ASH1L: variants seen among roughly 807,000 people sequenced by gnomAD.
The protein encoded by ASH1L is histone-lysine N-methyltransferase ASH1L.
A neutral mutation model predicts 269.0 loss-of-function variants in ASH1L; 23 were observed. The ratio of observed to expected loss-of-function variants is 0.09; its 90% CI spans 0.06 to 0.12. The LOEUF is 0.12. Ranked by LOEUF, ASH1L falls within the 10% of genes least tolerant of loss-of-function variation. The probability of loss-of-function intolerance (pLI) is 1.00; values close to 1 mark genes in which losing one functional copy is unlikely to be tolerated. For missense variants in ASH1L, 2,912 were observed against 3,567.8 expected, an observed-to-expected ratio of 0.82 and a Z score of 4.68; for synonymous variants, 1,187 against 1,253.5, an observed-to-expected ratio of 0.95 and a Z score of 1.12.
In ASH1L at chr1:155,341,074, C is replaced by T. The variant is rs1048548879; in HGVS notation, c.8460+862G>A. 6.6e-5 allele frequency among the ~76,000 whole-genome samples: 10 copies of T among 151,976 alleles called. No homozygotes were observed. The East Asian group carries it at 9.6e-4, about 15-fold the overall frequency. On this transcript the variant is annotated intron_variant, in intron 25 of 27. Transcript: ENST00000392403. ...GCAATCTCTGCCTCCCAGGTTCAAG[C>T]GATTCTCCTGCCTCAGTCTCCTGAG...
intron 2 of ASH1L, among the ~76,000 whole-genome samples, chr1:155,510,820 T>A (rs1668115255): frequency 6.6e-6 from 1 of 152,102 alleles, no homozygotes; most frequent in Non-Finnish European, 1.5e-5. Flanking sequence ...TTAAGTCTTG[T>A]TTTTTAACTA....
intron 1 of ASH1L, among the ~76,000 whole-genome samples, chr1:155,530,347 T>C (rs1235419744): frequency 6.6e-6 from 1 of 152,230 alleles, no homozygotes; most frequent in Non-Finnish European, 1.5e-5. Flanking sequence ...CGTAGAACAC[T>C]AGCTGGCATA....
intron 5 of ASH1L, among the ~76,000 whole-genome samples, chr1:155,427,313 C>CTT (rs553045499): frequency 2.1e-5 from 3 of 141,606 alleles, no homozygotes; most frequent in Non-Finnish European, 4.7e-5. Context: ...TTTAATTTTT[C>CTT]TTTTTTTTTT....
In ASH1L at chr1:155,481,118, A is replaced by C. The variant is rs762767163; in HGVS notation, c.1752T>G (p.Leu584=). 6.2e-7 allele frequency: 1 copy of C among 1,614,122 alleles called. No individual in the cohort carries two copies. The highest frequency in any genetic ancestry group is 8.5e-7 in the Non-Finnish European group (1 of 1,179,994). ...TSSQLAPNPL[L]LSSTTELIEE... Reference sequence around the variant, plus strand: ...CGATTAGTTCTGTAGTAGAACTTAAAAGTAATGGATTAGGAGCCAACTGTG... The same window carrying C: ...CGATTAGTTCTGTAGTAGAACTTAACAGTAATGGATTAGGAGCCAACTGTG... The change falls in exon 3 of 28, where the codon CTT becomes CTG. Residue 584 remains leucine, a synonymous_variant. Transcript: ENST00000392403.
intron 6 of ASH1L, among the ~76,000 whole-genome samples, chr1:155,411,402 G>A (rs1161024367): frequency 6.6e-6 from 1 of 150,960 alleles, no homozygotes; most frequent in Non-Finnish European, 1.5e-5. Flanking sequence ...CAAATCTTTT[G>A]TATGACCAGA....
intron 7 of ASH1L, among the ~76,000 whole-genome samples, chr1:155,385,929 G>A (rs901363033): frequency 3.9e-5 from 6 of 152,090 alleles, no homozygotes; most frequent in Non-Finnish European, 7.4e-5. Context: ...ATTGTGGTGG[G>A]GTAGTTATGT....
At chr1:155,431,523 G>A (rs1473428336) in intron 5 of ASH1L, among the ~76,000 whole-genome samples, 1 of 152,000 alleles carries the variant, frequency 6.6e-6, no homozygotes, top group Non-Finnish European at 1.5e-5. Context: ...CACTTTGGGA[G>A]GTCAAGTTGA....
chr1:155,493,901 A>T (rs1005849063), intron 2 of ASH1L, among the ~76,000 whole-genome samples: 2 of 152,124 alleles, frequency 1.3e-5, no homozygotes, highest in African/African-American at 4.8e-5. Context: ...TCATTTTTTC[A>T]GCAAGTATTT....
intron 6 of ASH1L, among the ~76,000 whole-genome samples, chr1:155,406,134 G>A (rs1659267806): frequency 1.3e-5 from 2 of 150,670 alleles, no homozygotes; most frequent in Non-Finnish European, 3.0e-5. Context: ...AACCCAGGGG[G>A]CGAAGGTTGC....
At chr1:155,463,771 G>A (rs1415220428) in intron 3 of ASH1L, among the ~76,000 whole-genome samples, 1 of 151,958 alleles carries the variant, frequency 6.6e-6, no homozygotes, top group Non-Finnish European at 1.5e-5. Context: ...CTCCATCCTG[G>A]GCGACAGTGA....
Position 155,482,177 on chromosome 1 carries a change from C to T in ASH1L, c.693G>A (p.Lys231=). The T allele has an allele frequency of 6.2e-7, 1 of 1,614,182 alleles. No homozygotes were observed. Among genetic ancestry groups the T allele is most frequent in the Non-Finnish European group, 8.5e-7 (1 of 1,180,016 alleles). The change falls in exon 3 of 28, where the codon AAG becomes AAA. Residue 231 remains lysine (K), a synonymous_variant. Coordinates refer to ENST00000392403, the MANE Select transcript of ASH1L (RefSeq NM_018489.3). The part of the protein sequence containing the change: ...AQLIATCPPS[K]SSKTKPKKLG... ...ACTTCTTCGGTTTTGTCTTGGAAGA[C>T]TTGGAAGGAGGACAGGTAGCAATCA... is the stretch of plus-strand genomic sequence containing the variant.
At position 155,337,557 on chromosome 1, in the gene ASH1L, C is replaced by A; in HGVS notation, c.*103G>T. 2.1e-6 allele frequency: 2 copies of A among 933,212 alleles called. No homozygotes were observed. Among genetic ancestry groups the A allele is most frequent in the Admixed American group, 1.9e-5 (1 of 53,852 alleles). 57.8% of individuals were successfully genotyped at this position (933,212 alleles called of 1,614,324 possible). On this transcript the variant is annotated 3_prime_UTR_variant, in exon 28 of 28. Coordinates refer to ENST00000392403, the MANE Select transcript of ASH1L (RefSeq NM_018489.3). ...CAACAACATGGCCCCATTCCCCTTGCCCAGATGGACCCTTCCCACCCCTGT... is the reference window on the plus strand; with the variant it reads ...CAACAACATGGCCCCATTCCCCTTGACCAGATGGACCCTTCCCACCCCTGT...
At chr1:155,455,326 G>A (rs973776696) in intron 4 of ASH1L, among the ~76,000 whole-genome samples, 1 of 152,064 alleles carries the variant, frequency 6.6e-6, no homozygotes, top group Non-Finnish European at 1.5e-5. Flanking sequence ...TAATAATTTT[G>A]TTACTATGGG....
chr1:155,469,548 A>G (rs990233354), intron 3 of ASH1L, among the ~76,000 whole-genome samples: 3 of 152,212 alleles, frequency 2.0e-5, no homozygotes, highest in African/African-American at 7.2e-5. Flanking sequence ...AAATATTGTC[A>G]TTCCTTCTCA....
At chr1:155,355,262 G>C (rs1328076672) in intron 15 of ASH1L, among the ~76,000 whole-genome samples, 1 of 152,212 alleles carries the variant, frequency 6.6e-6, no homozygotes, top group Non-Finnish European at 1.5e-5. Context: ...TGTTGGCCAG[G>C]CTGGTCTTGA....
chr1:155,378,324 C>T lies in ASH1L; in HGVS notation c.6289G>A (p.Asp2097Asn). ...ACACAGCCCTTCCTGGTGTCATCAT[C>T]TGGCTTCTTACAGTTACAGGTGGTA... ...EATTCNCKKP[D>N]DDTRKGCVDD... Residue 2097 changes from aspartate to asparagine, a missense_variant, in exon 10 of 28, where the codon GAT (aspartate) becomes AAT (asparagine). By Grantham distance (23) the Asp-to-Asn change is conservative (BLOSUM62 1). This residue lies in a region of ASH1L where 193 missense variants were observed against 311.6 expected (regional missense o/e 0.62). Coordinates refer to ENST00000392403, the MANE Select transcript of ASH1L (RefSeq NM_018489.3). 1.9e-6 allele frequency: 3 copies of T among 1,614,186 alleles called. No homozygotes were observed. The highest frequency in any genetic ancestry group is 2.5e-6 in the Non-Finnish European group (3 of 1,180,022).
chr1:155,374,621 C>A (rs922107953), intron 10 of ASH1L, among the ~76,000 whole-genome samples: 3 of 152,098 alleles, frequency 2.0e-5, no homozygotes, highest in Non-Finnish European at 4.4e-5. Flanking sequence ...TTATTGAATA[C>A]CCCTCTTGAA....
intron 5 of ASH1L, among the ~76,000 whole-genome samples, chr1:155,421,323 T>TC (rs1242638792): frequency 1.4e-5 from 2 of 147,174 alleles, no homozygotes; most frequent in Admixed American, 1.4e-4. Context: ...AACAGTTTTT[T>TC]TTTTTTTTTT....
In ASH1L at chr1:155,562,408, C is replaced by T; in HGVS notation, c.-355G>A. 1 of 1,493,568 alleles carries T rather than the reference C, an allele frequency of 6.7e-7. No homozygotes were observed. The highest frequency in any genetic ancestry group is 1.2e-5 in the South Asian group (1 of 83,544). 92.5% of individuals were successfully genotyped at this position (1,493,568 alleles called of 1,614,324 possible). A position where few individuals can be genotyped will look rare whatever the true frequency, so the allele number is the denominator to read the frequency against. ...GATCGTCTCCCCTCCGCAAAGCGAA[C>T]CCAAAATGGCGGCGGGAGCGGCGGC... On this transcript the variant is annotated 5_prime_UTR_variant, in exon 1 of 28. Transcript: ENST00000392403.
Sources: gnomAD v4.1 joint callset for allele counts (sites outside exome capture counted in the v4.1 genomes callset) on GRCh38, gnomAD v4.1.1 for gene constraint, gnomAD v4.1.1 regional missense constraint, MANE v1.5 for transcripts, NCBI Gene and HGNC (gene_info 2026-07-23, HGNC 2026-07-21) for gene names.